The following PTCHD4 variants were observed in gnomAD, a reference collection of about 807,000 sequenced individuals.
PTCHD4 encodes the protein patched domain containing 4, also known as patched domain-containing protein 4.
PTCHD4 carries 33 observed loss-of-function variants against 58.1 expected under a neutral mutation model. The ratio of observed to expected loss-of-function variants is 0.57; its 90% CI spans 0.43 to 0.76. The LOEUF (loss-of-function observed/expected upper bound fraction) is 0.76, where lower values mean the gene tolerates loss of function less well. PTCHD4 is among the 30% of genes least tolerant of loss of function. The probability of loss-of-function intolerance (pLI) is 0.00; values close to 1 mark genes in which losing one functional copy is unlikely to be tolerated. For synonymous variants in PTCHD4, 478 were observed against 409.6 expected, an observed-to-expected ratio of 1.17 and a Z score of -2.02; for missense variants, 1,058 against 1,027.1, an observed-to-expected ratio of 1.03 and a Z score of -0.41.
At chr6:47,978,509 TGTGA>T (rs932713919) in intron 4 of PTCHD4, among the ~76,000 whole-genome samples, 26 of 152,342 alleles carry the variant, frequency 1.7e-4, no homozygotes, top group Non-Finnish European at 3.2e-4. Flanking sequence ...TCATAGTTTT[TGTGA>T]GTATTAAATG....
rs1025843438 is a variant in PTCHD4 at position 48,081,718 on chromosome 6, G to T, written c.-969-11792C>A. ...TATTTAATAGCTATAAGTGTATATAGATATGTTTTGCTATTATTTGTAGGA... is the reference window on the plus strand; with the variant it reads ...TATTTAATAGCTATAAGTGTATATATATATGTTTTGCTATTATTTGTAGGA... On this transcript the variant is annotated intron_variant, in intron 1 of 4. Coordinates refer to ENST00000339488, the MANE Select transcript of PTCHD4 (RefSeq NM_001384253.1). 2.6e-5 allele frequency among the ~76,000 whole-genome samples: 4 copies of T among 152,090 alleles called. No individual in the cohort carries two copies. The East Asian group carries it at 7.7e-4, about 29-fold the overall frequency.
intron 4 of PTCHD4, among the ~76,000 whole-genome samples, chr6:47,975,378 ATCT>A (rs886973083): frequency 3.3e-5 from 5 of 152,026 alleles, no homozygotes; most frequent in Admixed American, 1.3e-4. Context: ...TGTTTTCCTA[ATCT>A]TCTTTTTTTT....
intron 1 of PTCHD4, among the ~76,000 whole-genome samples, chr6:48,097,737 GAACA>G (rs1303973738): frequency 3.3e-5 from 5 of 152,156 alleles, no homozygotes; most frequent in Admixed American, 2.0e-4. Context: ...GCTATTATAA[GAACA>G]AACAGAGAGA....
chr6:47,898,306 T>A (rs954232485), intron 4 of PTCHD4, among the ~76,000 whole-genome samples: 1 of 152,176 alleles, frequency 6.6e-6, no homozygotes, highest in African/African-American at 2.4e-5. Context: ...ACTATCATAA[T>A]CCTGTCTCTA....
intron 4 of PTCHD4, among the ~76,000 whole-genome samples, chr6:47,921,275 C>A (rs771507596): frequency 6.6e-6 from 1 of 152,056 alleles, no homozygotes; most frequent in Admixed American, 6.6e-5. Flanking sequence ...CTTTGTTTTA[C>A]GCTTTTGGTT....
In PTCHD4 at chr6:47,874,781, C is replaced by T. The variant is rs146693472; in HGVS notation, c.*3522G>A. ...GAGAATAGTTCTTTCATAGAATACT[C>T]ATGCACAGCCTTCAAAGAGGTTCAT... is the stretch of plus-strand genomic sequence containing the variant. On this transcript the variant is annotated 3_prime_UTR_variant, in exon 5 of 5. Transcript: ENST00000339488. Among the ~76,000 whole-genome samples, 74 of 151,914 alleles carry T rather than the reference C, an allele frequency of 4.9e-4. No homozygotes were observed. In the East Asian group the frequency reaches 0.014, roughly 28 times the overall value.
rs527834678 is a variant in PTCHD4, at chr6:48,073,747, C to A, written c.-969-3821G>T. On this transcript the variant is annotated intron_variant, in intron 1 of 4. Transcript: ENST00000339488. ...GCAGAGTTGCAAATGGGAAAAGAGC[C>A]GGAAGAAGCACACCTGGGAGGTTTT... 1.6e-4 allele frequency among the ~76,000 whole-genome samples: 25 copies of A among 152,148 alleles called. No homozygotes were observed. The South Asian group carries it at 3.3e-3, about 20-fold the overall frequency.
intron 4 of PTCHD4, among the ~76,000 whole-genome samples, chr6:47,931,149 A>G (rs771112428): frequency 1.3e-5 from 2 of 152,192 alleles, no homozygotes; most frequent in African/African-American, 2.4e-5. Flanking sequence ...AGGTTCATTA[A>G]TCCACCCAAA....
intron 4 of PTCHD4, among the ~76,000 whole-genome samples, chr6:47,969,646 C>T (rs557687145): frequency 3.4e-4 from 52 of 152,126 alleles, no homozygotes; most frequent in Admixed American, 7.9e-4. Flanking sequence ...AATAAAATTG[C>T]ATAACTATTA....
intron 3 of PTCHD4, among the ~76,000 whole-genome samples, chr6:48,066,663 A>G (rs1490992090): frequency 2.6e-5 from 4 of 152,210 alleles, no homozygotes; most frequent in African/African-American, 9.7e-5. Context: ...ATAAGTTTGA[A>G]GCAGGCAAAC....
In PTCHD4 at chr6:48,008,982, G is replaced by C. The variant is rs1762572000; in HGVS notation, c.550C>G (p.Gln184Glu). The change falls in exon 4 of 5, where the codon CAA (glutamine) becomes GAA (glutamate). Residue 184 changes from glutamine (Q) to glutamate (E), a missense_variant. Transcript: ENST00000339488. ...YYLQTYGSATQDLIGEKWENE... is the reference protein window; with the variant it reads ...YYLQTYGSATEDLIGEKWENE... The stretch of plus-strand genomic sequence containing the variant: ...TCCCACTTCTCCCCTATGAGGTCTT[G>C]GGTGGCAGAGCCATAGGTCTGGAGG... The C allele has an allele frequency of 1.2e-6, 2 of 1,613,866 alleles. No homozygotes were observed. The highest frequency in any genetic ancestry group is 1.7e-6 in the Non-Finnish European group (2 of 1,179,892).
At chr6:47,884,379 G>A (rs972380584) in intron 4 of PTCHD4, among the ~76,000 whole-genome samples, 8 of 152,128 alleles carry the variant, frequency 5.3e-5, no homozygotes, top group Admixed American at 5.2e-4. Context: ...CTTGAAAGAA[G>A]CCCCAATTTT....
In PTCHD4 at chr6:48,110,563, T is replaced by G. The variant is rs371582449; in HGVS notation, c.-970+486A>C. Among the ~76,000 whole-genome samples, 3 of 151,430 alleles carry G rather than the reference T, an allele frequency of 2.0e-5. No homozygotes were observed. The South Asian group carries it at 6.2e-4, about 31-fold the overall frequency. ...AAGTCTAGAGATCAAATGTATAGCA[T>G]CAGAATCATAGTTAATAATATTGTA... is the stretch of plus-strand genomic sequence containing the variant. On this transcript the variant is annotated intron_variant, in intron 1 of 4. Transcript: ENST00000339488.
intron 4 of PTCHD4, among the ~76,000 whole-genome samples, chr6:47,889,780 A>G (rs9369751): frequency 0.64 from 93,494 of 147,024 alleles, 30,789 homozygotes; most frequent in East Asian, 0.78. Context: ...TTACCATTCA[A>G]GACATAGGCA....
intron 4 of PTCHD4, among the ~76,000 whole-genome samples, chr6:48,004,777 CGTGGTGG>C (rs1762365574): frequency 6.6e-6 from 1 of 152,044 alleles, no homozygotes; most frequent in Non-Finnish European, 1.5e-5. Flanking sequence ...ATTAGCCAGG[CGTGGTGG>C]CACACGCCTA....
At chr6:48,092,335 C>G (rs1177751606) in intron 1 of PTCHD4, among the ~76,000 whole-genome samples, 1 of 152,298 alleles carries the variant, frequency 6.6e-6, no homozygotes, top group Middle Eastern at 3.4e-3. Context: ...ACTGGCCTTA[C>G]CAAATACTAA....
chr6:48,009,109 C>T lies in PTCHD4; in HGVS notation c.423G>A (p.Gly141=), dbSNP rs769218401. 1 of 1,599,290 alleles carries T rather than the reference C, an allele frequency of 6.3e-7. No individual in the cohort carries two copies. The highest frequency in any genetic ancestry group is 1.1e-5 in the South Asian group (1 of 89,296). Residue 141 remains glycine (G), a synonymous_variant, in exon 4 of 5, where the codon GGG becomes GGA. Transcript: ENST00000339488. ...THRAVLEMKD[G]RNSFIGHQLG... ...GTTGGTGTCCAATAAAACTGTTCCT[C>T]CCATCCTTGAAAACAGAAAAAGAAG...
chr6:48,029,866 C>T (rs1189611046), intron 3 of PTCHD4, among the ~76,000 whole-genome samples: 1 of 152,052 alleles, frequency 6.6e-6, no homozygotes, highest in East Asian at 1.9e-4. Flanking sequence ...CTTTATGAAG[C>T]TAAAGCTTAC....
At chr6:48,092,347 C>T (rs1292697618) in intron 1 of PTCHD4, among the ~76,000 whole-genome samples, 2 of 152,146 alleles carry the variant, frequency 1.3e-5, no homozygotes, top group Non-Finnish European at 2.9e-5. Flanking sequence ...AAATACTAAA[C>T]TATCTATTTT....
Sources: gnomAD v4.1 joint callset for allele counts (sites outside exome capture counted in the v4.1 genomes callset) on GRCh38, gnomAD v4.1.1 for gene constraint, MANE v1.5 for transcripts, NCBI Gene and HGNC (gene_info 2026-07-23, HGNC 2026-07-21) for gene names.